ADAMTSL3: variants seen among roughly 807,000 people sequenced by gnomAD.
ADAMTSL3 encodes the protein ADAMTS like 3.
ADAMTSL3 carries 128 observed loss-of-function variants against 201.7 expected under a neutral mutation model. The observed-to-expected ratio is 0.63, with a 90% CI of 0.55 to 0.73. The LOEUF is 0.73. Ranked by LOEUF, ADAMTSL3 falls within the 30% of genes least tolerant of loss-of-function variation. The pLI is 0.00. For missense variants in ADAMTSL3, 1,990 were observed against 2,119.6 expected, an observed-to-expected ratio of 0.94 and a Z score of 1.20; for synonymous variants, 738 against 748.4, an observed-to-expected ratio of 0.99 and a Z score of 0.23.
intron 23 of ADAMTSL3, among the ~76,000 whole-genome samples, chr15:84,000,265 T>C (rs939836501): frequency 6.6e-6 from 1 of 152,210 alleles, no homozygotes; most frequent in African/African-American, 2.4e-5. Context: ...TCCTCTCTTC[T>C]ATACTGTTAT....
At chr15:83,782,818 C>A (rs1050494767) in intron 4 of ADAMTSL3, among the ~76,000 whole-genome samples, 3 of 151,546 alleles carry the variant, frequency 2.0e-5, no homozygotes, top group Non-Finnish European at 4.4e-5. Flanking sequence ...CCAACAAACC[C>A]CCATGGGAAA....
In ADAMTSL3 at chr15:83,858,903, A is replaced by T. The variant is rs530648675; in HGVS notation, c.802+63A>T. 1.0e-4 allele frequency: 142 copies of T among 1,383,934 alleles called. No homozygotes were observed. In the African/African-American group the frequency reaches 1.8e-3, roughly 18 times the overall value. 85.7% of individuals were successfully genotyped at this position (1,383,934 alleles called of 1,614,324 possible). A position where few individuals can be genotyped will look rare whatever the true frequency, so the allele number is the denominator to read the frequency against. ...GAAAGTTTAGTTAGCCAAAAAAAAC[A>T]AAAAACAAAAAACCCACAAACCAAA... On this transcript the variant is annotated intron_variant, in intron 8 of 29. Transcript: ENST00000286744.
chr15:83,841,979 G>A (rs59355989), intron 7 of ADAMTSL3, among the ~76,000 whole-genome samples: 37,403 of 150,892 alleles, frequency 0.25, 5,178 homozygotes, highest in Admixed American at 0.42. Flanking sequence ...GCGGACGGAC[G>A]AGATCCTAGC....
intron 21 of ADAMTSL3, among the ~76,000 whole-genome samples, chr15:83,987,137 T>A (rs529027613): frequency 2.1e-4 from 32 of 152,364 alleles, no homozygotes; most frequent in Non-Finnish European, 4.3e-4. Flanking sequence ...TCATGTGTAG[T>A]CACTGGTTAG....
At chr15:83,899,907 C>T (rs2065690672) in intron 15 of ADAMTSL3, among the ~76,000 whole-genome samples, 176 bp downstream of exon 15, 1 of 152,138 alleles carries the variant, frequency 6.6e-6, no homozygotes, top group African/African-American at 2.4e-5. Flanking sequence ...TTCAGCAGTC[C>T]TCCTTTGGCA....
intron 3 of ADAMTSL3, among the ~76,000 whole-genome samples, chr15:83,716,494 A>G (rs2062020710): frequency 6.6e-6 from 1 of 151,300 alleles, no homozygotes; most frequent in Non-Finnish European, 1.5e-5. Context: ...CAGCCTGGGC[A>G]ACAAGAGCAA....
intron 25 of ADAMTSL3, among the ~76,000 whole-genome samples, chr15:84,019,094 C>CACACAT (rs1363762494): frequency 6.6e-6 from 1 of 151,492 alleles, no homozygotes; most frequent in Non-Finnish European, 1.5e-5. Flanking sequence ...CACACACACA[C>CACACAT]ACACACACAC....
intron 7 of ADAMTSL3, among the ~76,000 whole-genome samples, chr15:83,844,171 C>T (rs2064445771): frequency 6.6e-6 from 1 of 152,158 alleles, no homozygotes. Flanking sequence ...TGGTGGCAGC[C>T]AAGCCTATTG....
intron 2 of ADAMTSL3, among the ~76,000 whole-genome samples, chr15:83,702,576 C>T (rs1033161262): frequency 2.6e-5 from 4 of 152,180 alleles, no homozygotes; most frequent in Non-Finnish European, 4.4e-5. Flanking sequence ...CTGAAAGGGG[C>T]CAATGTAGAG....
At position 83,969,167 on chromosome 15, in the gene ADAMTSL3, C is replaced by T. The variant is rs185199760; in HGVS notation, c.2491-1317C>T. On this transcript the variant is annotated intron_variant, in intron 19 of 29. Coordinates refer to ENST00000286744, the MANE Select transcript of ADAMTSL3 (RefSeq NM_207517.3). The stretch of plus-strand genomic sequence containing the variant: ...TAAAGTATAATAATTTTAAAAAGGC[C>T]GGCCGTGGCTTCTCACGCCTATAAT... Among the ~76,000 whole-genome samples, 7 of 152,132 alleles carry T rather than the reference C, an allele frequency of 4.6e-5. No individual in the cohort carries two copies. The East Asian group carries it at 7.7e-4, about 17-fold the overall frequency.
chr15:83,866,759 TA>T (rs887713325), intron 8 of ADAMTSL3, among the ~76,000 whole-genome samples: 41 of 150,914 alleles, frequency 2.7e-4, no homozygotes, highest in East Asian at 3.9e-4. Context: ...TAAAGTATAA[TA>T]AAAAAAAAGA....
intron 8 of ADAMTSL3, among the ~76,000 whole-genome samples, chr15:83,860,390 G>A (rs569046629): frequency 7.1e-4 from 108 of 152,268 alleles, no homozygotes; most frequent in Admixed American, 1.7e-3. Flanking sequence ...GGTCCCTGAA[G>A]GCTGACACTG....
At chr15:83,911,004 T>C (rs1383926416) in intron 15 of ADAMTSL3, among the ~76,000 whole-genome samples, 2 of 152,260 alleles carry the variant, frequency 1.3e-5, no homozygotes, top group African/African-American at 4.8e-5. Flanking sequence ...GAAGTCCAAT[T>C]TGAATGAAAA....
intron 3 of ADAMTSL3, among the ~76,000 whole-genome samples, chr15:83,742,599 G>A (rs2062474605): frequency 6.6e-6 from 1 of 151,862 alleles, no homozygotes; most frequent in Non-Finnish European, 1.5e-5. Flanking sequence ...AGGAAATACA[G>A]GTTCACAAAA....
chr15:83,998,342 G>A (rs745908422), intron 23 of ADAMTSL3, among the ~76,000 whole-genome samples: 9 of 152,214 alleles, frequency 5.9e-5, no homozygotes, highest in Non-Finnish European at 1.0e-4. Flanking sequence ...CCAGTTACTC[G>A]GGAGGCTGAG....
Position 83,988,769 on chromosome 15 carries a change from A to C in ADAMTSL3, c.3795A>C (p.Val1265=). 1 of 1,609,096 alleles carries C rather than the reference A, an allele frequency of 6.2e-7. No homozygotes were observed. Among genetic ancestry groups the C allele is most frequent in the Non-Finnish European group, 8.5e-7 (1 of 1,176,970 alleles). The stretch of plus-strand genomic sequence containing the variant: ...AACAAGGCATATATGAATGTTCTGT[A>C]GCTAATCATCTTGGTTCAGATGTGG... ...RKEQGIYECS[V]ANHLGSDVES... The change falls in exon 22 of 30, where the codon GTA becomes GTC. Residue 1265 remains valine (V), a synonymous_variant. Transcript: ENST00000286744.
chr15:83,868,360 G>T (rs571416569), intron 8 of ADAMTSL3, among the ~76,000 whole-genome samples: 1 of 152,248 alleles, frequency 6.6e-6, no homozygotes, highest in Admixed American at 6.5e-5. Context: ...ATTGTTGATT[G>T]AAACACCACA....
intron 11 of ADAMTSL3, 170 bp from the exon 12 acceptor site, chr15:83,891,159 A>G: frequency 1.8e-6 from 1 of 550,802 alleles, no homozygotes; most frequent in Admixed American, 3.3e-5. Context: ...TATTCTTGAC[A>G]ACTAAAGAGA....
intron 19 of ADAMTSL3, among the ~76,000 whole-genome samples, chr15:83,964,773 G>A (rs2067046823): frequency 6.6e-6 from 1 of 152,208 alleles, no homozygotes; most frequent in African/African-American, 2.4e-5. Flanking sequence ...CAGCCAGAGA[G>A]AAAGATTGGG....
Sources: gnomAD v4.1 joint callset for allele counts (sites outside exome capture counted in the v4.1 genomes callset) on GRCh38, gnomAD v4.1.1 for gene constraint, MANE v1.5 for transcripts, NCBI Gene and HGNC (gene_info 2026-07-23, HGNC 2026-07-21) for gene names.